Variants in ARHGEF10 observed in about 807,000 individuals in gnomAD.
ARHGEF10 encodes the protein Rho guanine nucleotide exchange factor (GEF) 10.
In ARHGEF10, 140 loss-of-function variants were observed where a neutral mutation model predicts 147.4. The observed-to-expected ratio is 0.95, with a 90% CI of 0.83 to 1.09. ARHGEF10 has a LOEUF of 1.09. Ranked by LOEUF, ARHGEF10 falls within the 50% of genes least tolerant of loss-of-function variation. The pLI is 0.00. For synonymous variants in ARHGEF10, 902 were observed against 695.8 expected, an observed-to-expected ratio of 1.30 and a Z score of -4.67; for missense variants, 2,222 against 1,752.7, an observed-to-expected ratio of 1.27 and a Z score of -4.78.
At chr8:1,872,703 C>G (rs572223605) in intron 7 of ARHGEF10, among the ~76,000 whole-genome samples, 2 of 152,316 alleles carry the variant, frequency 1.3e-5, no homozygotes, top group East Asian at 3.9e-4. Context: ...TAGAAGGAAA[C>G]TCACTTAGCT....
chr8:1,883,122 A>T (rs1318160622), intron 10 of ARHGEF10, among the ~76,000 whole-genome samples: 1 of 152,168 alleles, frequency 6.6e-6, no homozygotes, highest in African/African-American at 2.4e-5. Context: ...AGCGTCCTGA[A>T]CTGGCATTTC....
rs370553946 is a variant in ARHGEF10 at position 1,882,598 on chromosome 8, C to T, written c.961-37C>T. The T allele has an allele frequency of 6.8e-5, 104 of 1,523,296 alleles. No homozygotes were observed. In the East Asian group the frequency reaches 7.8e-4, roughly 11 times the overall value. 94.4% of individuals were successfully genotyped at this position (1,523,296 alleles called of 1,614,324 possible). The stretch of plus-strand genomic sequence containing the variant: ...AAATGAAAGTCGCAGGTGGGTTCTG[C>T]CGCCGTCCCGTTCTCACATCTCCCT... On this transcript the variant is annotated intron_variant, in intron 9 of 28. Coordinates refer to ENST00000349830, the MANE Select transcript of ARHGEF10 (RefSeq NM_014629.4).
intron 18 of ARHGEF10, among the ~76,000 whole-genome samples, chr8:1,911,992 T>G (rs561458875): frequency 6.6e-6 from 1 of 152,376 alleles, no homozygotes; most frequent in Non-Finnish European, 1.5e-5. Flanking sequence ...GTCATAGGAC[T>G]TCTGCTGCTT....
rs540603652 is a variant in ARHGEF10 at position 1,937,082 on chromosome 8, C to T, written c.3222+3140C>T. Among the ~76,000 whole-genome samples the T allele has an allele frequency of 2.6e-5, 4 of 152,328 alleles. No homozygotes were observed. The highest frequency in any genetic ancestry group is 7.2e-5 in the African/African-American group (3 of 41,564). On this transcript the variant is annotated intron_variant, in intron 26 of 28. Coordinates refer to ENST00000349830, the MANE Select transcript of ARHGEF10 (RefSeq NM_014629.4). This position sits in a 1 kb window ranked among gnomAD's most constrained non-coding sequence, Gnocchi z 4.9. Reference sequence around the variant, plus strand: ...TTTTTGACACAGCCTCCCCGACGTCCTTCGAGACCTGGTCTGCTAGACAGG... The same window carrying T: ...TTTTTGACACAGCCTCCCCGACGTCTTTCGAGACCTGGTCTGCTAGACAGG...
intron 18 of ARHGEF10, among the ~76,000 whole-genome samples, chr8:1,911,595 G>A (rs1432759019): frequency 6.6e-6 from 1 of 152,200 alleles, no homozygotes; most frequent in Non-Finnish European, 1.5e-5. Context: ...AGTGGGCACC[G>A]TGCTTGGTGC....
chr8:1,928,695 C>T (rs750110013), intron 24 of ARHGEF10, 45 bp downstream of exon 24: 2 of 1,600,816 alleles, frequency 1.2e-6, no homozygotes, highest in Non-Finnish European at 1.7e-6. Context: ...AAGCTCTGCC[C>T]ATGGAGGGCG....
At chr8:1,834,724 C>A (rs1803477607) in intron 1 of ARHGEF10, among the ~76,000 whole-genome samples, 1 of 152,258 alleles carries the variant, frequency 6.6e-6, no homozygotes, top group South Asian at 2.1e-4. Context: ...CAGAAGGACT[C>A]CTGCCGTAGA....
chr8:1,856,819 G>T (rs537983563), intron 2 of ARHGEF10, among the ~76,000 whole-genome samples: 5 of 152,342 alleles, frequency 3.3e-5, no homozygotes, highest in African/African-American at 1.2e-4. Flanking sequence ...GCAGCAGGAG[G>T]TTTCCTCAGG....
chr8:1,880,159 C>G lies in ARHGEF10; in HGVS notation c.955C>G (p.Leu319Val). ...TCAGCAGCTCAGGCAGAAGCATGAA[C>G]TGAAGGTAGAGTCTTGCCCCCGGCC... ...EIQQLRQKHE[L>V]KMQKLVKAAK... Residue 319 changes from leucine (L) to valine (V), a missense_variant, in exon 9 of 29, where the codon CTG becomes GTG. By Grantham distance (32) the Leu-to-Val change is conservative. Coordinates refer to ENST00000349830, the MANE Select transcript of ARHGEF10 (RefSeq NM_014629.4). 6.2e-7 allele frequency: 1 copy of G among 1,611,948 alleles called. No homozygotes were observed. Among genetic ancestry groups the G allele is most frequent in the Non-Finnish European group, 8.5e-7 (1 of 1,178,116 alleles).
chr8:1,900,108 A>G (rs903355930), intron 15 of ARHGEF10, among the ~76,000 whole-genome samples: 3 of 152,216 alleles, frequency 2.0e-5, no homozygotes, highest in Non-Finnish European at 4.4e-5. Flanking sequence ...AATTTATTAA[A>G]TTTGGATATA....
intron 18 of ARHGEF10, among the ~76,000 whole-genome samples, chr8:1,918,947 T>C (rs1223524545): frequency 1.3e-5 from 2 of 151,534 alleles, no homozygotes; most frequent in African/African-American, 4.9e-5. Flanking sequence ...CTGTCAGTGA[T>C]GGAGCTGTTC....
intron 24 of ARHGEF10, among the ~76,000 whole-genome samples, 193 bp from the exon 25 acceptor site, chr8:1,929,093 C>T (rs918497108): frequency 6.6e-6 from 1 of 152,046 alleles, no homozygotes; most frequent in Non-Finnish European, 1.5e-5. Context: ...TTCATATATC[C>T]CAGAATTTCC....
At chr8:1,898,947 A>T (rs1320156578) in intron 15 of ARHGEF10, among the ~76,000 whole-genome samples, 1 of 152,204 alleles carries the variant, frequency 6.6e-6, no homozygotes, top group Admixed American at 6.5e-5. Flanking sequence ...CCCAGAGGGG[A>T]TGGACAAGCT....
chr8:1,945,907 G>GAGGAGCCGCGTGCTGGA (rs1407613886), intron 27 of ARHGEF10: 2 of 654,812 alleles, frequency 3.1e-6, no homozygotes, highest in East Asian at 2.7e-5. Flanking sequence ...CGCGTGCTGG[G>GAGGAGCCGCGTGCTGGA]AGGAGCCGCG....
chr8:1,888,176 A>C (rs1336721488), intron 11 of ARHGEF10, among the ~76,000 whole-genome samples: 12 of 65,526 alleles, frequency 1.8e-4, no homozygotes, highest in African/African-American at 1.2e-3. Context: ...GGAGACAGTG[A>C]GTGGGGTGAG....
chr8:1,857,879 G>GATCGATCT (rs1554477753), intron 2 of ARHGEF10, 81 bp from the exon 3 acceptor site: 174 of 594,294 alleles, frequency 2.9e-4, no homozygotes, highest in Admixed American at 1.3e-3. Flanking sequence ...TAGATCGATC[G>GATCGATCT]ATCTATCTAT....
chr8:1,850,169 G>T (rs143086999), intron 2 of ARHGEF10, among the ~76,000 whole-genome samples: 1 of 96,550 alleles, frequency 1.0e-5, no homozygotes. Context: ...TGGACACAGA[G>T]GGCAAATGCT....
intron 7 of ARHGEF10, chr8:1,876,307 G>T: frequency 1.9e-6 from 1 of 534,422 alleles, no homozygotes; most frequent in Non-Finnish European, 3.4e-6. Context: ...ATAGCCAGGT[G>T]GTCCTCGGGG....
chr8:1,827,097 C>T (rs752296276), intron 1 of ARHGEF10, among the ~76,000 whole-genome samples: 10 of 152,140 alleles, frequency 6.6e-5, no homozygotes, highest in Non-Finnish European at 1.0e-4. Context: ...GCCCCAGGTC[C>T]GTCTAGGGAG....
Sources: allele counts gnomAD v4.1 joint callset (sites outside exome capture counted in the v4.1 genomes callset), GRCh38; gene constraint gnomAD v4.1.1; non-coding constraint Gnocchi (gnomAD v3.1); transcripts MANE v1.5; gene names NCBI Gene and HGNC (gene_info 2026-07-23, HGNC 2026-07-21).